ARHGAP32: variants seen among roughly 807,000 people sequenced by gnomAD.
ARHGAP32 encodes rho GTPase-activating protein 32.
A neutral mutation model predicts 186.5 loss-of-function variants in ARHGAP32; 51 were observed. That is an observed-to-expected ratio of 0.27 (90% CI 0.22 to 0.35). The LOEUF (loss-of-function observed/expected upper bound fraction) is 0.35, where lower values mean the gene tolerates loss of function less well. Ranked by LOEUF, ARHGAP32 falls within the 10% of genes least tolerant of loss-of-function variation. ARHGAP32 has a pLI of 1.00. For synonymous variants in ARHGAP32, 950 were observed against 964.3 expected, an observed-to-expected ratio of 0.99 and a Z score of 0.27; for missense variants, 2,186 against 2,623.5, an observed-to-expected ratio of 0.83 and a Z score of 3.64.
At chr11:129,213,543 T>C (rs1051340963) in intron 1 of ARHGAP32, among the ~76,000 whole-genome samples, 1 of 152,140 alleles carries the variant, frequency 6.6e-6, no homozygotes, top group Non-Finnish European at 1.5e-5. Context: ...ATGTTAAAAA[T>C]AGTGTGGCCA....
At chr11:129,142,897 C>T (rs1219929628) in intron 2 of ARHGAP32, among the ~76,000 whole-genome samples, 2 of 151,186 alleles carry the variant, frequency 1.3e-5, no homozygotes, top group Non-Finnish European at 3.0e-5. Context: ...TTATCTTTAT[C>T]ATTTGTAGTC....
chr11:129,184,582 T>C (rs984311099), intron 1 of ARHGAP32, among the ~76,000 whole-genome samples: 10 of 151,752 alleles, frequency 6.6e-5, no homozygotes, highest in African/African-American at 1.9e-4. Context: ...AAAAGAAATA[T>C]ATCATAAAAT....
chr11:129,042,216 T>A (rs956213803), intron 10 of ARHGAP32, among the ~76,000 whole-genome samples: 1 of 152,186 alleles, frequency 6.6e-6, no homozygotes, highest in South Asian at 2.1e-4. Flanking sequence ...AGTGGCACAA[T>A]CTAGGCTCAC....
chr11:129,252,538 G>A (rs933560106), intron 1 of ARHGAP32, among the ~76,000 whole-genome samples: 3 of 152,132 alleles, frequency 2.0e-5, no homozygotes, highest in Non-Finnish European at 4.4e-5. Context: ...GTCCAGTAAA[G>A]CATCAATAGA....
At position 128,969,738 on chromosome 11, in the gene ARHGAP32, C is replaced by G; in HGVS notation, c.5475G>C (p.Glu1825Asp). The change falls in exon 23 of 23, where the codon GAG becomes GAC. Residue 1825 changes from glutamate (E) to aspartate (D), a missense_variant. Coordinates refer to ENST00000682385, the MANE Select transcript of ARHGAP32 (RefSeq NM_001378024.1). The surrounding 1 kb of genome is among the most constrained non-coding windows in gnomAD (Gnocchi z 4.8). The stretch of plus-strand genomic sequence containing the variant: ...TGATGGCCTTGGCTGCATGGCGGCT[C>G]TCCTTTCCTTCTGCCACTGAGAGAA... Reference protein sequence around the residue: ...TGLLSVAEGKESRHAAKAISP... With the variant: ...TGLLSVAEGKDSRHAAKAISP... 6.2e-7 allele frequency: 1 copy of G among 1,614,150 alleles called. No individual in the cohort carries two copies. Among genetic ancestry groups the G allele is most frequent in the Non-Finnish European group, 8.5e-7 (1 of 1,180,026 alleles).
At chr11:128,971,633 A>G (rs1265481984) in intron 22 of ARHGAP32, 1 of 155,118 alleles carries the variant, frequency 6.4e-6, no homozygotes, top group Non-Finnish European at 1.4e-5. Context: ...AGGGAAAGGC[A>G]ATATTCAAAT....
At chr11:129,064,163 G>C in intron 8 of ARHGAP32, 139 bp from the exon 9 acceptor site, 1 of 707,694 alleles carries the variant, frequency 1.4e-6, no homozygotes, top group Non-Finnish European at 2.2e-6. Flanking sequence ...CCATTTACTG[G>C]GTAGTAAAAA....
In ARHGAP32 at chr11:129,091,751, C is replaced by G. The variant is rs776333830; in HGVS notation, c.531+1870G>C. Among the ~76,000 whole-genome samples the G allele has an allele frequency of 8.6e-5, 13 of 152,034 alleles. 1 individual carries two copies. The highest frequency in any genetic ancestry group is 1.9e-4 in the Non-Finnish European group (13 of 67,914). On this transcript the variant is annotated intron_variant, in intron 6 of 22. Transcript: ENST00000682385. ...ACAGAAAAAGGTGGCAGTCAAGAAA[C>G]TGAAATCCTTGTAGTCCCCACTGCT... is the stretch of plus-strand genomic sequence containing the variant.
At position 128,970,279 on chromosome 11, in the gene ARHGAP32, T is replaced by C; in HGVS notation, c.4934A>G (p.Asp1645Gly). The change falls in exon 23 of 23, where the codon GAT becomes GGT. Residue 1645 changes from aspartate to glycine, a missense_variant. By Grantham distance (94) the Asp-to-Gly change is moderately conservative. Around this residue, in one of 5 missense-constraint regions of ARHGAP32, gnomAD observed 1,502 missense variants for 1,570.0 expected, o/e 0.96. Coordinates refer to ENST00000682385, the MANE Select transcript of ARHGAP32 (RefSeq NM_001378024.1). This position sits in a 1 kb window ranked among gnomAD's most constrained non-coding sequence, Gnocchi z 5.8. ...AGGCTGAAGCTGAGTGACATGATAATCTGAGCGGGCCTGGGAGGACTGATA... is the reference window on the plus strand; with the variant it reads ...AGGCTGAAGCTGAGTGACATGATAACCTGAGCGGGCCTGGGAGGACTGATA... ...KPYQSSQARS[D>G]YHVTQLQPYF... 1 of 1,614,140 alleles carries C rather than the reference T, an allele frequency of 6.2e-7. No individual in the cohort carries two copies. Among genetic ancestry groups the C allele is most frequent in the Non-Finnish European group, 8.5e-7 (1 of 1,180,014 alleles).
chr11:129,256,280 G>GT (rs1351239396), intron 1 of ARHGAP32, among the ~76,000 whole-genome samples: 8 of 151,224 alleles, frequency 5.3e-5, no homozygotes, highest in Non-Finnish European at 1.2e-4. Context: ...CTCAACATGT[G>GT]TATGATACAT....
intron 1 of ARHGAP32, among the ~76,000 whole-genome samples, chr11:129,266,147 C>T (rs1393891361): frequency 2.0e-5 from 3 of 152,092 alleles, no homozygotes; most frequent in Admixed American, 6.5e-5. Flanking sequence ...ACACGGAACA[C>T]AATTTGGGTT....
intron 1 of ARHGAP32, among the ~76,000 whole-genome samples, chr11:129,251,933 C>CAA (rs11443635): frequency 0.2 from 26,791 of 134,018 alleles, 2,779 homozygotes; most frequent in East Asian, 0.24. Context: ...GACTTCATCT[C>CAA]AAAAAAAAAA....
chr11:129,167,296 T>A (rs1410180819), intron 1 of ARHGAP32, among the ~76,000 whole-genome samples: 3 of 152,146 alleles, frequency 2.0e-5, no homozygotes, highest in African/African-American at 7.2e-5. Context: ...ACAGCCACTG[T>A]GGAAAAGACT....
intron 11 of ARHGAP32, among the ~76,000 whole-genome samples, chr11:129,020,591 A>G (rs1291669775): frequency 4.6e-5 from 7 of 152,116 alleles, no homozygotes; most frequent in Non-Finnish European, 7.4e-5. Flanking sequence ...TCAAGAGTTT[A>G]CTGCAGTAAA....
chr11:129,074,296 T>C (rs1390607548), intron 6 of ARHGAP32, among the ~76,000 whole-genome samples: 3 of 152,178 alleles, frequency 2.0e-5, no homozygotes, highest in African/African-American at 7.2e-5. Context: ...TATGGAGGTA[T>C]GTGTATATGT....
chr11:129,015,860 T>G (rs369043614), intron 11 of ARHGAP32, among the ~76,000 whole-genome samples: 1 of 152,298 alleles, frequency 6.6e-6, no homozygotes, highest in Non-Finnish European at 1.5e-5. Flanking sequence ...CTGACTACAC[T>G]GTATAATCTG....
intron 6 of ARHGAP32, among the ~76,000 whole-genome samples, chr11:129,081,371 T>C (rs1941214693): frequency 6.6e-6 from 1 of 152,000 alleles, no homozygotes; most frequent in Non-Finnish European, 1.5e-5. Flanking sequence ...AACAAAATAC[T>C]AGCTAACTGA....
At chr11:129,184,324 T>G (rs939202172) in intron 1 of ARHGAP32, among the ~76,000 whole-genome samples, 3 of 152,000 alleles carry the variant, frequency 2.0e-5, no homozygotes, top group African/African-American at 7.2e-5. Context: ...GCTTAGCAGC[T>G]AAAAGATAGG....
chr11:129,219,383 A>G (rs4430528), intron 1 of ARHGAP32, among the ~76,000 whole-genome samples: 94,952 of 151,950 alleles, frequency 0.62, 30,172 homozygotes, highest in Non-Finnish European at 0.7. Context: ...TTTTCCTTCC[A>G]TTCTGTTTTA....
Sources: gnomAD v4.1 joint callset for allele counts (sites outside exome capture counted in the v4.1 genomes callset) on GRCh38, gnomAD v4.1.1 for gene constraint, gnomAD v4.1.1 regional missense constraint, Gnocchi (gnomAD v3.1) non-coding constraint, MANE v1.5 for transcripts, NCBI Gene and HGNC (gene_info 2026-07-23, HGNC 2026-07-21) for gene names.